The following MATN2 variants were observed in gnomAD, a reference collection of about 807,000 sequenced individuals.
MATN2 encodes matrilin 2.
In MATN2, 69 loss-of-function variants were observed where a neutral mutation model predicts 103.2. That is an observed-to-expected ratio of 0.67 (90% CI 0.55 to 0.82). MATN2 has a LOEUF of 0.82. Among genes scored for constraint, MATN2 ranks in the 40% least tolerant of loss-of-function variants. The pLI, the probability that MATN2 is intolerant of heterozygous loss-of-function variation, is 0.00. For synonymous variants in MATN2, 429 were observed against 450.2 expected (o/e 0.95, Z 0.60); for missense variants, 1,023 against 1,211.5 (o/e 0.84, Z 2.31).
rs988421528 is a variant in MATN2 at position 98,027,765 on chromosome 8, T to C, written c.2292T>C (p.Ile764=). The C allele has an allele frequency of 6.2e-7, 1 of 1,609,258 alleles. No individual in the cohort carries two copies. Among genetic ancestry groups the C allele is most frequent in the Admixed American group, 1.7e-5 (1 of 58,604 alleles). ...CCACAAGGGTGCCCAGAGCAGCCAT[T>C]GTGTTCACCGACGGACGGGCTCAGG... The part of the protein sequence containing the change: ...PLSTRVPRAA[I]VFTDGRAQDD... The change falls in exon 14 of 19, where the codon ATT becomes ATC. Residue 764 remains isoleucine, a synonymous_variant. Coordinates refer to ENST00000254898, the MANE Select transcript of MATN2 (RefSeq NM_002380.5).
chr8:97,997,729 G>A (rs1812633182), intron 7 of MATN2, among the ~76,000 whole-genome samples: 1 of 151,694 alleles, frequency 6.6e-6, no homozygotes, highest in Admixed American at 6.6e-5. Flanking sequence ...TATCTGAGAA[G>A]CACACACATG....
chr8:97,974,279 C>A (rs1243061695), intron 5 of MATN2, among the ~76,000 whole-genome samples: 1 of 152,016 alleles, frequency 6.6e-6, no homozygotes, highest in Non-Finnish European at 1.5e-5. Flanking sequence ...AATGCGACAA[C>A]AGGTGCCCAC....
At chr8:97,870,990 C>G (rs1817876857) in intron 1 of MATN2, among the ~76,000 whole-genome samples, 1 of 152,176 alleles carries the variant, frequency 6.6e-6, no homozygotes, top group Non-Finnish European at 1.5e-5. Flanking sequence ...ACACTGTCTT[C>G]TATAAATCGG....
At chr8:98,015,938 A>G (rs1034231407) in intron 10 of MATN2, among the ~76,000 whole-genome samples, 9 of 152,322 alleles carry the variant, frequency 5.9e-5, no homozygotes, top group African/African-American at 2.2e-4. Context: ...ACATACATAC[A>G]TAAGTAGATA....
chr8:97,892,415 CAAA>C (rs35181049), intron 2 of MATN2, among the ~76,000 whole-genome samples: 5 of 78,052 alleles, frequency 6.4e-5, no homozygotes, highest in Non-Finnish European at 1.1e-4. Flanking sequence ...GACCCTGTCT[CAAA>C]AAAAAAAAAA....
At chr8:97,974,030 T>C (rs959459400) in intron 5 of MATN2, among the ~76,000 whole-genome samples, 1 of 152,246 alleles carries the variant, frequency 6.6e-6, no homozygotes, top group African/African-American at 2.4e-5. Context: ...CCTGGTTCTA[T>C]AGCAATTTTG....
rs902943882 is a variant in MATN2, at chr8:97,982,378, C to CA, written c.1081+3371dup. ...TGTTTTAGTGAGTACCAAGGCCTCC[C>CA]ACCAGCTTCCAGCCAAGTCGGCCTG... On this transcript the variant is annotated intron_variant, in intron 6 of 18. Transcript: ENST00000254898. The surrounding 1 kb of genome is among the most constrained non-coding windows in gnomAD (Gnocchi z 4.3). Among the ~76,000 whole-genome samples the CA allele has an allele frequency of 4.6e-5, 7 of 152,188 alleles. No homozygotes were observed. The highest frequency in any genetic ancestry group is 1.0e-4 in the Non-Finnish European group (7 of 68,042).
intron 13 of MATN2, among the ~76,000 whole-genome samples, chr8:98,026,207 A>G (rs1813799152): frequency 6.7e-6 from 1 of 148,346 alleles, no homozygotes; most frequent in African/African-American, 2.5e-5. Context: ...AAAATGCCTG[A>G]AAAGCTTCCA....
chr8:97,872,624 C>A (rs562621827), intron 1 of MATN2, among the ~76,000 whole-genome samples: 2 of 152,192 alleles, frequency 1.3e-5, no homozygotes, highest in Non-Finnish European at 2.9e-5. Context: ...TAAAACCTGA[C>A]TGCATTTCTT....
chr8:97,945,768 G>T (rs2130198803), intron 4 of MATN2, among the ~76,000 whole-genome samples: 1 of 149,438 alleles, frequency 6.7e-6, no homozygotes, highest in East Asian at 2.0e-4. Flanking sequence ...TGTAATTTGT[G>T]TGGAGAGGGA....
At chr8:97,879,175 C>T (rs1164417031) in intron 1 of MATN2, among the ~76,000 whole-genome samples, 3 of 152,022 alleles carry the variant, frequency 2.0e-5, no homozygotes, top group Non-Finnish European at 4.4e-5. Context: ...ATTAGAAAAC[C>T]GAGAGAATAT....
At chr8:97,945,193 G>A (rs1229602137) in intron 4 of MATN2, among the ~76,000 whole-genome samples, 2 of 152,142 alleles carry the variant, frequency 1.3e-5, no homozygotes, top group Admixed American at 6.5e-5. Context: ...CAACACATGA[G>A]GTCAAGCCTA....
rs575312226 is a variant in MATN2 at position 97,998,477 on chromosome 8, G to C, written c.1204+3875G>C. ...GCGGAGCTTGCAGTGAGCCGAGATC[G>C]TGCCACTGCACTCCAGCCTGGGCGA... On this transcript the variant is annotated intron_variant, in intron 7 of 18. Coordinates refer to ENST00000254898, the MANE Select transcript of MATN2 (RefSeq NM_002380.5). Among the ~76,000 whole-genome samples, 3 of 145,076 alleles carry C rather than the reference G, an allele frequency of 2.1e-5. 1 individual carries two copies. Among genetic ancestry groups the C allele is most frequent in the African/African-American group, 2.6e-5 (1 of 38,990 alleles).
intron 15 of MATN2, 84 bp from the exon 16 acceptor site, chr8:98,032,162 A>T (rs1474009144): frequency 9.6e-7 from 1 of 1,037,574 alleles, no homozygotes; most frequent in Admixed American, 2.3e-5. Context: ...GTAGGTAAGG[A>T]GGTGGTCTGG....
Position 98,027,827 on chromosome 8 carries a change from A to C in MATN2, c.2354A>C (p.Asn785Thr), listed in dbSNP as rs2130446881. ...VSEWASKAKA[N>T]GITMYAVGVG... ...GAGTGGGCCAGTAAAGCCAAGGCCA[A>C]TGGTAATATGGGGTGGAGGTGCGGT... The change falls in exon 14 of 19, where the codon AAT becomes ACT. Residue 785 changes from asparagine (N) to threonine (T), a missense_variant and splice_region_variant. Physicochemically the swap from Asn to Thr is moderately conservative, Grantham distance 65. Coordinates refer to ENST00000254898, the MANE Select transcript of MATN2 (RefSeq NM_002380.5). The C allele has an allele frequency of 6.4e-7, 1 of 1,556,586 alleles. No homozygotes were observed.
At chr8:97,980,657 T>C (rs1386600519) in intron 6 of MATN2, among the ~76,000 whole-genome samples, 3 of 146,260 alleles carry the variant, frequency 2.1e-5, no homozygotes, top group Non-Finnish European at 4.5e-5. Flanking sequence ...CTCCACCTCC[T>C]GGGTTCAAGC....
intron 15 of MATN2, chr8:98,031,944 A>G (rs994685024): frequency 1.4e-5 from 3 of 208,408 alleles, no homozygotes; most frequent in African/African-American, 6.9e-5. Flanking sequence ...CACTGCAACT[A>G]AAATCCCTCA....
intron 10 of MATN2, among the ~76,000 whole-genome samples, chr8:98,008,565 T>G (rs1813052184): frequency 6.6e-6 from 1 of 152,150 alleles, no homozygotes; most frequent in Non-Finnish European, 1.5e-5. Flanking sequence ...GAGAAAATAT[T>G]TCCAGTTTGG....
chr8:97,889,684 T>A (rs1818566567), intron 2 of MATN2, among the ~76,000 whole-genome samples: 1 of 151,888 alleles, frequency 6.6e-6, no homozygotes, highest in Admixed American at 6.6e-5. Context: ...CCTCGAGTGA[T>A]CTGCCATCTC....
Sources: allele counts gnomAD v4.1 joint callset (sites outside exome capture counted in the v4.1 genomes callset), GRCh38; gene constraint gnomAD v4.1.1; non-coding constraint Gnocchi (gnomAD v3.1); transcripts MANE v1.5; gene names NCBI Gene and HGNC (gene_info 2026-07-23, HGNC 2026-07-21).